Variants in ETV1 observed in about 807,000 individuals in gnomAD.
The protein encoded by ETV1 is ETS translocation variant 1.
A neutral mutation model predicts 62.3 loss-of-function variants in ETV1; 27 were observed. The ratio of observed to expected loss-of-function variants is 0.43; its 90% CI spans 0.32 to 0.60. The LOEUF is 0.60. Among genes scored for constraint, ETV1 ranks in the 20% least tolerant of loss-of-function variants. The probability of loss-of-function intolerance (pLI) is 0.06; values close to 1 mark genes in which losing one functional copy is unlikely to be tolerated. For missense variants in ETV1, 605 were observed against 605.8 expected, an observed-to-expected ratio of 1.00 and a Z score of 0.01; for synonymous variants, 222 against 199.6, an observed-to-expected ratio of 1.11 and a Z score of -0.94.
At chr7:13,975,902 G>A (rs866252879) in intron 6 of ETV1, among the ~76,000 whole-genome samples, 1 of 152,110 alleles carries the variant, frequency 6.6e-6, no homozygotes, top group Non-Finnish European at 1.5e-5. Context: ...AAATATCAAC[G>A]AGATTAATTC....
chr7:13,949,806 T>C (rs1407762468), intron 6 of ETV1, among the ~76,000 whole-genome samples: 2 of 152,210 alleles, frequency 1.3e-5, no homozygotes, highest in Non-Finnish European at 2.9e-5. Flanking sequence ...TGATTTTCCA[T>C]TATTTGCAGC....
intron 9 of ETV1, among the ~76,000 whole-genome samples, chr7:13,928,622 G>A (rs941487180): frequency 1.3e-5 from 2 of 149,492 alleles, no homozygotes; most frequent in Non-Finnish European, 3.0e-5. Flanking sequence ...CAAAAAAAAA[G>A]AGAAGAGTTT....
chr7:13,970,281 C>A (rs1237376139), intron 6 of ETV1, among the ~76,000 whole-genome samples: 46 of 26,606 alleles, frequency 1.7e-3, no homozygotes, highest in African/African-American at 4.2e-3. Flanking sequence ...CACACACACA[C>A]ACACACACAC....
Position 13,911,297 on chromosome 7 carries a change from G to A in ETV1, c.813C>T (p.Ser271=). The change falls in exon 10 of 14, where the codon AGC becomes AGT. Residue 271 remains serine, a synonymous_variant. Transcript: ENST00000430479. ...CTTGCCTCATATAAATGGAGTGGCAGCTAGGCACTTCTGAAAGAGGAAACA... is the reference window on the plus strand; with the variant it reads ...CTTGCCTCATATAAATGGAGTGGCAACTAGGCACTTCTGAAAGAGGAAACA... ...RDFAYDSEVP[S]CHSIYMRQEG... The A allele has an allele frequency of 3.7e-6, 6 of 1,611,582 alleles. No individual in the cohort carries two copies. Among genetic ancestry groups the A allele is most frequent in the Non-Finnish European group, 5.1e-6 (6 of 1,178,078 alleles).
intron 11 of ETV1, chr7:13,907,939 GT>G (rs1783143688): frequency 7.4e-6 from 3 of 405,886 alleles, no homozygotes; most frequent in South Asian, 3.7e-5. Context: ...ATATAGAAGT[GT>G]ATCTTCATAT....
chr7:13,931,966 C>T (rs1214386415), intron 8 of ETV1, among the ~76,000 whole-genome samples: 2 of 151,936 alleles, frequency 1.3e-5, no homozygotes, highest in Non-Finnish European at 2.9e-5. Flanking sequence ...TTTTGCAGCA[C>T]TGTTGCAGTA....
intron 9 of ETV1, among the ~76,000 whole-genome samples, chr7:13,915,865 T>G (rs570427388): frequency 6.6e-6 from 1 of 152,196 alleles, no homozygotes; most frequent in Non-Finnish European, 1.5e-5. Flanking sequence ...GTGAGAATGA[T>G]AGCAAAAAAG....
At chr7:13,991,245 G>A (rs1782989573), upstream of ETV1, 1 of 152,244 alleles carries the variant, frequency 6.6e-6, no homozygotes, top group African/African-American at 2.4e-5. Context: ...AACCAAGCAG[G>A]GGGTCAATAA....
chr7:13,990,521 A>T (rs985910479), upstream of ETV1: 6 of 152,242 alleles, frequency 3.9e-5, no homozygotes, highest in African/African-American at 1.4e-4. Context: ...AGCTTTTGTT[A>T]TGTATACACG....
rs1010510155 is a variant in ETV1 at position 13,895,483 on chromosome 7, T to G, written c.*383A>C. On this transcript the variant is annotated 3_prime_UTR_variant, in exon 14 of 14. Coordinates refer to ENST00000430479, the MANE Select transcript of ETV1 (RefSeq NM_004956.5). ...GATATTTACACAACGTGAAATTAAC[T>G]GTACCATAGATACCCCGATAAAATA... The G allele has an allele frequency of 3.6e-5, 9 of 251,776 alleles. No homozygotes were observed. The highest frequency in any genetic ancestry group is 6.2e-5 in the Non-Finnish European group (8 of 128,940). 15.6% of individuals were successfully genotyped at this position (251,776 alleles called of 1,614,324 possible). A position where few individuals can be genotyped will look rare whatever the true frequency, so the allele number is the denominator to read the frequency against.
At chr7:13,964,613 G>T (rs115651020) in intron 6 of ETV1, among the ~76,000 whole-genome samples, 1,596 of 152,194 alleles carry the variant, frequency 0.01, 37 homozygotes, top group African/African-American at 0.037. Flanking sequence ...TTGAATTGAA[G>T]TCATTCCTTC....
chr7:13,919,907 A>G (rs1223024409), intron 9 of ETV1, among the ~76,000 whole-genome samples: 3 of 152,146 alleles, frequency 2.0e-5, no homozygotes, highest in Admixed American at 2.0e-4. Context: ...AGAGAGAGAG[A>G]GAGAAGAGAG....
intron 12 of ETV1, among the ~76,000 whole-genome samples, chr7:13,903,391 T>C (rs1782634400): frequency 6.6e-6 from 1 of 152,166 alleles, no homozygotes; most frequent in Admixed American, 6.5e-5. Context: ...GACTTCCTGG[T>C]AACTCTTCCA....
intron 9 of ETV1, among the ~76,000 whole-genome samples, chr7:13,915,100 A>G (rs1784007503): frequency 6.6e-6 from 1 of 152,222 alleles, no homozygotes; most frequent in Admixed American, 6.5e-5. Context: ...AAATCTCAGT[A>G]AAATATAAAT....
chr7:13,975,676 G>C (rs1333413925), intron 6 of ETV1, among the ~76,000 whole-genome samples: 1 of 148,724 alleles, frequency 6.7e-6, no homozygotes. Context: ...AGTTGAGTAA[G>C]AAGGAGTGGT....
chr7:13,963,702 C>T lies in ETV1; in HGVS notation c.235+13725G>A, dbSNP rs149210567. On this transcript the variant is annotated intron_variant, in intron 6 of 13. Transcript: ENST00000430479. Reference sequence around the variant, plus strand: ...TATTAGCCTGCTTATATGTACATTACGTACACATAAATTCATATGTCCATC... The same window carrying T: ...TATTAGCCTGCTTATATGTACATTATGTACACATAAATTCATATGTCCATC... Among the ~76,000 whole-genome samples the T allele has an allele frequency of 4.9e-3, 746 of 152,086 alleles. 21 individuals are homozygous for T. The highest frequency in any genetic ancestry group is 0.044 in the Admixed American group (665 of 15,270).
chr7:13,921,189 G>T (rs2128436171), intron 9 of ETV1, among the ~76,000 whole-genome samples: 1 of 152,270 alleles, frequency 6.6e-6, no homozygotes, highest in East Asian at 1.9e-4. Flanking sequence ...AGAAAATGTA[G>T]CCATAAGCAA....
intron 7 of ETV1, among the ~76,000 whole-genome samples, chr7:13,938,044 C>G (rs954896186): frequency 5.9e-5 from 9 of 152,184 alleles, no homozygotes; most frequent in Admixed American, 5.9e-4. Flanking sequence ...CTCCCAGGTT[C>G]AAGCGATTCT....
chr7:13,970,277 C>G, intron 6 of ETV1, among the ~76,000 whole-genome samples: 1 of 21,332 alleles, frequency 4.7e-5, no homozygotes, highest in Admixed American at 7.7e-4. Context: ...CACACACACA[C>G]ACACACACAC....
Sources: gnomAD v4.1 joint callset for allele counts (sites outside exome capture counted in the v4.1 genomes callset) on GRCh38, gnomAD v4.1.1 for gene constraint, MANE v1.5 for transcripts, NCBI Gene and HGNC (gene_info 2026-07-23, HGNC 2026-07-21) for gene names.